Variants in IGSF10 observed in about 807,000 individuals in gnomAD.
The protein encoded by IGSF10 is calvaria mechanical force protein 608.
In IGSF10, 126 loss-of-function variants were observed where a neutral mutation model predicts 128.2. The observed-to-expected ratio is 0.98, with a 90% CI of 0.85 to 1.14. The LOEUF is 1.14. Among genes scored for constraint, IGSF10 ranks in the 50% most tolerant of loss-of-function variants. The probability of loss-of-function intolerance (pLI) is 0.00; values close to 1 mark genes in which losing one functional copy is unlikely to be tolerated. For missense variants in IGSF10, 3,295 were observed against 3,149.8 expected, an observed-to-expected ratio of 1.05 and a Z score of -1.10; for synonymous variants, 1,185 against 1,146.2, an observed-to-expected ratio of 1.03 and a Z score of -0.68.
chr3:151,461,112 C>T (rs1490965886), upstream of IGSF10: 1 of 985,348 alleles, frequency 1.0e-6, no homozygotes, highest in Non-Finnish European at 1.2e-6. Flanking sequence ...TCTGGGGACG[C>T]GGCCGGGGCT....
chr3:151,457,974 AACATGTGTATTCAGAC>A (rs1721877196), intron 3 of IGSF10, among the ~76,000 whole-genome samples: 1 of 152,232 alleles, frequency 6.6e-6, no homozygotes, highest in Non-Finnish European at 1.5e-5. Context: ...TGCTAAGTCC[AACATGTGTATTCAGAC>A]ACACACAGAC....
the IGSF10 span, among the ~76,000 whole-genome samples, chr3:151,521,913 C>T: frequency 6.6e-6 from 1 of 151,508 alleles, no homozygotes; most frequent in East Asian, 1.9e-4. Flanking sequence ...ATCAACGAAC[C>T]CAAGAGTTGG....
At chr3:151,573,556 C>CT in the IGSF10 span, among the ~76,000 whole-genome samples, 35 of 151,980 alleles carry the variant, frequency 2.3e-4, no homozygotes, top group East Asian at 2.3e-3. Context: ...GCAACCTCTG[C>CT]TTTTTTTTGA....
the IGSF10 span, among the ~76,000 whole-genome samples, chr3:151,611,782 G>T: frequency 6.6e-6 from 1 of 152,108 alleles, no homozygotes; most frequent in Non-Finnish European, 1.5e-5. Context: ...TTTGCTGCTT[G>T]TATTTTAACC....
the IGSF10 span, among the ~76,000 whole-genome samples, chr3:151,509,424 G>A: frequency 0.46 from 69,355 of 152,008 alleles, 16,195 homozygotes; most frequent in South Asian, 0.54. Flanking sequence ...GTTAAACATG[G>A]ACTTATGGAG....
chr3:151,552,271 T>C, the IGSF10 span, among the ~76,000 whole-genome samples: 4 of 152,162 alleles, frequency 2.6e-5, no homozygotes, highest in African/African-American at 2.4e-5. Flanking sequence ...TGTGAGTCAA[T>C]TAAACCTCTT....
At chr3:151,534,909 C>T in the IGSF10 span, among the ~76,000 whole-genome samples, 5 of 151,446 alleles carry the variant, frequency 3.3e-5, no homozygotes, top group South Asian at 4.2e-4. Context: ...AAATGTAGTT[C>T]CATCCAACTG....
chr3:151,507,928 C>A, the IGSF10 span, among the ~76,000 whole-genome samples: 1 of 5,132 alleles, frequency 1.9e-4, no homozygotes, highest in African/African-American at 8.1e-4. Context: ...ATTTGAAGGT[C>A]TGTCAATAAA....
At chr3:151,595,725 T>C in the IGSF10 span, among the ~76,000 whole-genome samples, 2 of 136,520 alleles carry the variant, frequency 1.5e-5, no homozygotes, top group African/African-American at 5.5e-5. Flanking sequence ...ATCTGGAATC[T>C]GAAAAAAAAA....
the IGSF10 span, among the ~76,000 whole-genome samples, chr3:151,578,466 T>G: frequency 6.6e-6 from 1 of 152,338 alleles, no homozygotes; most frequent in South Asian, 2.1e-4. Context: ...CATAGTTTAC[T>G]GACTTCTAAC....
chr3:151,437,337 T>G lies in IGSF10; in HGVS notation c.7224A>C (p.Lys2408Asn). 1 of 1,614,206 alleles carries G rather than the reference T, an allele frequency of 6.2e-7. No homozygotes were observed. The highest frequency in any genetic ancestry group is 8.5e-7 in the Non-Finnish European group (1 of 1,180,034). ...ISKTTREDAG[K>N]YRCAARNKVG... ...CTTTATTCCTAGCTGCACAGCGATATTTTCCTGCATCCTCCCGAGTTGTTT... is the reference window on the plus strand; with the variant it reads ...CTTTATTCCTAGCTGCACAGCGATAGTTTCCTGCATCCTCCCGAGTTGTTT... Residue 2408 changes from lysine to asparagine, a missense_variant, in exon 8 of 8, where the codon AAA becomes AAC. Lys to Asn is a moderately conservative substitution (Grantham distance 94). Transcript: ENST00000282466.
At chr3:151,562,621 G>T in the IGSF10 span, among the ~76,000 whole-genome samples, 2 of 152,106 alleles carry the variant, frequency 1.3e-5, no homozygotes, top group East Asian at 1.9e-4. Context: ...ACCTTCTAAA[G>T]GTACTTCCTC....
In IGSF10 at chr3:151,446,650, A is replaced by T; in HGVS notation, c.3331T>A (p.Leu1111Ile). Residue 1111 changes from leucine (L) to isoleucine (I), a missense_variant, in exon 6 of 8, where the codon TTA (leucine) becomes ATA (isoleucine). Leu to Ile is a conservative substitution (Grantham distance 5). Transcript: ENST00000282466. ...ESTTLVQNPL[L>I]LLENKPSVEK... ...ACACTGGGTTTGTTCTCAAGTAGTA[A>T]TAGTGGATTCTGGACTAGAGTTGTA... is the stretch of plus-strand genomic sequence containing the variant. 2.5e-6 allele frequency: 4 copies of T among 1,614,044 alleles called. No homozygotes were observed. Among genetic ancestry groups the T allele is most frequent in the Non-Finnish European group, 3.4e-6 (4 of 1,179,980 alleles).
chr3:151,436,596 T>C lies in IGSF10; in HGVS notation c.*93A>G. 1.2e-6 allele frequency: 1 copy of C among 845,606 alleles called. No homozygotes were observed. The highest frequency in any genetic ancestry group is 1.9e-6 in the Non-Finnish European group (1 of 533,010). 52.4% of individuals were successfully genotyped at this position (845,606 alleles called of 1,614,324 possible). The stretch of plus-strand genomic sequence containing the variant: ...TTGTAAATTTAATACTGTAAATGTA[T>C]TCAAATTCATTTACATGCCTATGGC... On this transcript the variant is annotated 3_prime_UTR_variant, in exon 8 of 8. Transcript: ENST00000282466.
the IGSF10 span, among the ~76,000 whole-genome samples, chr3:151,484,540 T>C: frequency 6.6e-6 from 1 of 152,018 alleles, no homozygotes; most frequent in Non-Finnish European, 1.5e-5. Flanking sequence ...AGACACCTCA[T>C]ACAGGAGAGC....
chr3:151,442,692 A>G (rs531564913), intron 7 of IGSF10, among the ~76,000 whole-genome samples: 8 of 152,124 alleles, frequency 5.3e-5, no homozygotes, highest in Admixed American at 2.0e-4. Flanking sequence ...CCTGTCCTAC[A>G]GTTACTATTT....
At chr3:151,506,769 T>G in the IGSF10 span, among the ~76,000 whole-genome samples, 1 of 152,270 alleles carries the variant, frequency 6.6e-6, no homozygotes, top group Admixed American at 6.5e-5. Flanking sequence ...ATTGCCTAGT[T>G]AACAATTTCT....
At chr3:151,513,169 G>T in the IGSF10 span, among the ~76,000 whole-genome samples, 1 of 152,080 alleles carries the variant, frequency 6.6e-6, no homozygotes, top group African/African-American at 2.4e-5. Flanking sequence ...AAAAAAAAGA[G>T]AATTTTAGAC....
In IGSF10 at chr3:151,437,726, T is replaced by G. The variant is rs1285095388; in HGVS notation, c.6835A>C (p.Ile2279Leu). The change falls in exon 8 of 8, where the codon ATT becomes CTT. Residue 2279 changes from isoleucine (I) to leucine (L), a missense_variant. Physicochemically the swap from Ile to Leu is conservative, Grantham distance 5. Transcript: ENST00000282466. The stretch of plus-strand genomic sequence containing the variant: ...CCATAGTATGGGGCTGTGAGGAAAA[T>G]ATTGTCTGGCATGATCCACATGACT... Reference protein sequence around the residue: ...PEVMWIMPDNIFLTAPYYGSR... With the variant: ...PEVMWIMPDNLFLTAPYYGSR... The G allele has an allele frequency of 1.2e-6, 2 of 1,614,066 alleles. No homozygotes were observed. Among genetic ancestry groups the G allele is most frequent in the Non-Finnish European group, 1.7e-6 (2 of 1,180,016 alleles).
Sources: gnomAD v4.1 joint callset for allele counts (sites outside exome capture counted in the v4.1 genomes callset) on GRCh38, gnomAD v4.1.1 for gene constraint, MANE v1.5 for transcripts, NCBI Gene and HGNC (gene_info 2026-07-23, HGNC 2026-07-21) for gene names.